USP43: variants seen among roughly 807,000 people sequenced by gnomAD.
USP43 encodes ubiquitin carboxyl-terminal hydrolase 43.
Under a neutral mutation model 90.7 loss-of-function variants are expected in USP43, and 33 were observed. The ratio of observed to expected loss-of-function variants is 0.36; its 90% CI spans 0.28 to 0.49. The LOEUF is 0.49. USP43 is among the 20% of genes least tolerant of loss of function. The pLI, the probability that USP43 is intolerant of heterozygous loss-of-function variation, is 0.98. For synonymous variants in USP43, 598 were observed against 615.8 expected (o/e 0.97, Z 0.43); for missense variants, 1,274 against 1,476.4 (o/e 0.86, Z 2.25).
chr17:9,701,792 G>A lies in USP43; in HGVS notation c.2011+92G>A. ...GTGTTGCTCAGATGCTGAGCTCCCT[G>A]GGGCACTTATTGAGATCCGACCCCT... On this transcript the variant is annotated intron_variant, in intron 12 of 14. Coordinates refer to ENST00000285199, the MANE Select transcript of USP43 (RefSeq NM_153210.5). This position sits in a 1 kb window ranked among gnomAD's most constrained non-coding sequence, Gnocchi z 7.2. 8.6e-7 allele frequency: 1 copy of A among 1,164,608 alleles called. No homozygotes were observed. Among genetic ancestry groups the A allele is most frequent in the South Asian group, 1.7e-5 (1 of 59,294 alleles). 72.1% of individuals were successfully genotyped at this position (1,164,608 alleles called of 1,614,324 possible). A position where few individuals can be genotyped will look rare whatever the true frequency, so the allele number is the denominator to read the frequency against.
At chr17:9,727,790 G>A (rs9893729) in intron 14 of USP43, among the ~76,000 whole-genome samples, 164 bp from the exon 15 acceptor site, 31,570 of 152,024 alleles carry the variant, frequency 0.21, 7,372 homozygotes, top group African/African-American at 0.56. Context: ...GGGTGAAACC[G>A]TTGCTGTTCC....
In USP43 at chr17:9,686,926, C is replaced by A. The variant is rs530972425; in HGVS notation, c.1353+17C>A. On this transcript the variant is annotated intron_variant, in intron 8 of 14. Coordinates refer to ENST00000285199, the MANE Select transcript of USP43 (RefSeq NM_153210.5). The surrounding 1 kb of genome is among the most constrained non-coding windows in gnomAD (Gnocchi z 5.5). ...CCTGTACAGGTCAGTGGTGTGCATG[C>A]GTGTGTGTGTGTGTGCGTGCATGCG... The A allele has an allele frequency of 1.3e-6, 2 of 1,568,358 alleles. No individual in the cohort carries two copies. The highest frequency in any genetic ancestry group is 8.7e-7 in the Non-Finnish European group (1 of 1,149,426).
At chr17:9,655,519 T>G (rs1223380774) in intron 1 of USP43, among the ~76,000 whole-genome samples, 2 of 152,258 alleles carry the variant, frequency 1.3e-5, no homozygotes, top group African/African-American at 2.4e-5. Context: ...AATAAACTTT[T>G]AGAAAGTTGG....
chr17:9,654,873 GGTTTCAGATGTGCACCACCACGCCC>G (rs1194447256), intron 1 of USP43, among the ~76,000 whole-genome samples: 2 of 151,528 alleles, frequency 1.3e-5, no homozygotes, highest in African/African-American at 4.8e-5. Context: ...AAGTAGCTGG[GGTTTCAGATGTGCACCACCACGCCC>G]AGCTAATTTT....
chr17:9,724,129 A>G (rs1195309792), intron 14 of USP43, among the ~76,000 whole-genome samples: 1 of 152,104 alleles, frequency 6.6e-6, no homozygotes, highest in African/African-American at 2.4e-5. Context: ...CATGTATGGC[A>G]GTGGCTCTTG....
chr17:9,728,428 C>A lies in USP43; in HGVS notation c.2810C>A (p.Pro937His), dbSNP rs61737696. The A allele has an allele frequency of 1.2e-3, 1,953 of 1,611,552 alleles. 19 individuals are homozygous for A. The African/African-American group carries it at 0.022, about 18-fold the overall frequency. ...RKFDLPLTVMPSVEHEKPARP... is the reference protein window; with the variant it reads ...RKFDLPLTVMHSVEHEKPARP... ...TTTGACCTGCCTCTCACTGTGATGC[C>A]TTCAGTGGAGCATGAGAAACCAGCT... The change falls in exon 15 of 15, where the codon CCT becomes CAT. Residue 937 changes from proline to histidine, a missense_variant. Physicochemically the swap from Pro to His is moderately conservative, Grantham distance 77. Transcript: ENST00000285199. This position sits in a 1 kb window ranked among gnomAD's most constrained non-coding sequence, Gnocchi z 6.2.
intron 12 of USP43, among the ~76,000 whole-genome samples, chr17:9,706,933 G>A (rs746664268): frequency 2.6e-5 from 4 of 152,010 alleles, no homozygotes; most frequent in Non-Finnish European, 4.4e-5. Context: ...GTGAGTCTCC[G>A]TGCCCAGCCT....
intron 14 of USP43, among the ~76,000 whole-genome samples, chr17:9,718,714 CCTGTAATCCCAGCTA>C (rs1445884882): frequency 2.0e-5 from 3 of 151,958 alleles, no homozygotes; most frequent in Non-Finnish European, 4.4e-5. Context: ...GTGGTGCATG[CCTGTAATCCCAGCTA>C]CTCAGGAGGC....
chr17:9,648,698 T>C (rs1040605225), intron 1 of USP43, among the ~76,000 whole-genome samples: 1 of 152,064 alleles, frequency 6.6e-6, no homozygotes, highest in Non-Finnish European at 1.5e-5. Flanking sequence ...GGAACTGGAA[T>C]GCCAACCAGG....
intron 2 of USP43, among the ~76,000 whole-genome samples, chr17:9,662,904 G>A (rs1438929541): frequency 1.3e-5 from 2 of 149,618 alleles, no homozygotes; most frequent in Non-Finnish European, 1.5e-5. Flanking sequence ...TGCAACCTCC[G>A]CCTCCTGGGC....
At chr17:9,697,429 A>G (rs1915339406) in intron 9 of USP43, among the ~76,000 whole-genome samples, 1 of 151,872 alleles carries the variant, frequency 6.6e-6, no homozygotes, top group African/African-American at 2.4e-5. Flanking sequence ...ATAACCCATC[A>G]CTCAAATAGT....
In USP43 at chr17:9,645,683, GCCCCGC is replaced by G. The variant is rs1370073324; in HGVS notation, c.53_58del (p.Pro18_Arg19del). ...CAGGAGGGGGACCGCTCGCGCCCCG[GCCCCGC>G]CGCCGCCGCTCCCTGCGCCGCCTGT... On this transcript the variant is annotated inframe_deletion, in exon 1 of 15. Transcript: ENST00000285199. The surrounding 1 kb of genome is among the most constrained non-coding windows in gnomAD (Gnocchi z 6.8). The G allele has an allele frequency of 7.8e-7, 1 of 1,286,560 alleles. No homozygotes were observed. Among genetic ancestry groups the G allele is most frequent in the Non-Finnish European group, 9.8e-7 (1 of 1,023,376 alleles). 79.7% of individuals were successfully genotyped at this position (1,286,560 alleles called of 1,614,324 possible). A position where few individuals can be genotyped will look rare whatever the true frequency, so the allele number is the denominator to read the frequency against.
intron 6 of USP43, among the ~76,000 whole-genome samples, chr17:9,681,973 C>T (rs1015861469): frequency 6.6e-6 from 1 of 152,194 alleles, no homozygotes; most frequent in African/African-American, 2.4e-5. Context: ...CATTAACTGA[C>T]ACTGACTATA....
chr17:9,652,212 C>CAAAAAAAAA (rs769295315), intron 1 of USP43, among the ~76,000 whole-genome samples: 110 of 42,628 alleles, frequency 2.6e-3, no homozygotes, highest in African/African-American at 9.6e-3. Context: ...GCCCTTAGCG[C>CAAAAAAAAA]AAAAAAAAAA....
chr17:9,676,771 C>T lies in USP43; in HGVS notation c.859C>T (p.Pro287Ser), dbSNP rs546979401. 8.1e-6 allele frequency: 13 copies of T among 1,613,818 alleles called. No homozygotes were observed. The East Asian group carries it at 2.7e-4, about 33-fold the overall frequency. ...TRFLSVTLVF[P>S]SKSQRFLRVG... ...GTTCTTGAGTGTCACCTTGGTCTTC[C>T]CCTCTAAGAGCCAGCGGTTCCTGCG... Residue 287 changes from proline (P) to serine (S), a missense_variant, in exon 5 of 15, where the codon CCC (proline) becomes TCC (serine). Pro to Ser is a moderately conservative substitution (Grantham distance 74, BLOSUM62 -1). Transcript: ENST00000285199.
intron 1 of USP43, among the ~76,000 whole-genome samples, chr17:9,651,179 TTTTG>T (rs1253219579): frequency 6.6e-6 from 1 of 151,802 alleles, no homozygotes; most frequent in Non-Finnish European, 1.5e-5. Context: ...TTGATGTTTT[TTTTG>T]TTTGTTTTTT....
intron 8 of USP43, among the ~76,000 whole-genome samples, chr17:9,688,647 CCA>C: frequency 6.6e-6 from 1 of 152,204 alleles, no homozygotes; most frequent in South Asian, 2.1e-4. Flanking sequence ...CCACACCCAG[CCA>C]CACCTGTACT....
intron 14 of USP43, among the ~76,000 whole-genome samples, chr17:9,722,702 A>G (rs1041379636): frequency 1.3e-5 from 2 of 152,122 alleles, no homozygotes; most frequent in Non-Finnish European, 2.9e-5. Context: ...CAATCAGATG[A>G]GAAATATATA....
chr17:9,664,430 A>G (rs1673378314), intron 2 of USP43, among the ~76,000 whole-genome samples: 1 of 152,032 alleles, frequency 6.6e-6, no homozygotes. Flanking sequence ...TTTACCCCTA[A>G]TGTCACCCAG....
Sources: allele counts gnomAD v4.1 joint callset (sites outside exome capture counted in the v4.1 genomes callset), GRCh38; gene constraint gnomAD v4.1.1; non-coding constraint Gnocchi (gnomAD v3.1); transcripts MANE v1.5; gene names NCBI Gene and HGNC (gene_info 2026-07-23, HGNC 2026-07-21).